KPNA1: variants seen among roughly 807,000 people sequenced by gnomAD.
KPNA1 encodes importin subunit alpha-5.
In KPNA1, 10 loss-of-function variants were observed where a neutral mutation model predicts 70.5. The observed-to-expected ratio is 0.14, with a 90% CI of 0.09 to 0.24. KPNA1 has a LOEUF of 0.24. Ranked by LOEUF, KPNA1 falls within the 10% of genes least tolerant of loss-of-function variation. The pLI is 1.00. For synonymous variants in KPNA1, 192 were observed against 221.9 expected (o/e 0.87, Z 1.20); for missense variants, 397 against 637.9 (o/e 0.62, Z 4.07).
At chr3:122,487,622 GA>G (rs2076644477) in intron 2 of KPNA1, among the ~76,000 whole-genome samples, 1 of 152,164 alleles carries the variant, frequency 6.6e-6, no homozygotes, top group African/African-American at 2.4e-5. Flanking sequence ...GATGAACCTT[GA>G]AGTCATTATG....
intron 1 of KPNA1, among the ~76,000 whole-genome samples, chr3:122,509,486 G>T (rs528373001): frequency 6.6e-6 from 1 of 152,198 alleles, no homozygotes; most frequent in South Asian, 2.1e-4. Context: ...CCTAGGGAAT[G>T]AAAAGTAAAA....
intron 2 of KPNA1, among the ~76,000 whole-genome samples, chr3:122,477,461 AG>A (rs1218201754): frequency 1.3e-5 from 2 of 152,078 alleles, no homozygotes; most frequent in Non-Finnish European, 2.9e-5. Flanking sequence ...GCAATTTGGA[AG>A]GCTGAGGACG....
In KPNA1 at chr3:122,505,749, C is replaced by G. The variant is rs143597009; in HGVS notation, c.-6+9008G>C. Among the ~76,000 whole-genome samples, 1,032 of 152,300 alleles carry G rather than the reference C, an allele frequency of 6.8e-3. 14 individuals are homozygous for G. Among genetic ancestry groups the G allele is most frequent in the Middle Eastern group, 0.045 (13 of 292 alleles). ...ACTTTCTCCTTCATGTCTAGTTACT[C>G]AATTATCAAATTTTGCTTATTCTAT... On this transcript the variant is annotated intron_variant, in intron 1 of 13. Transcript: ENST00000344337.
chr3:122,441,173 G>A (rs1482124091), intron 10 of KPNA1, among the ~76,000 whole-genome samples: 1 of 152,208 alleles, frequency 6.6e-6, no homozygotes, highest in East Asian at 1.9e-4. Context: ...AGGAAAAGGA[G>A]CTTGCTAGGG....
At chr3:122,433,462 C>T (rs974084900) in intron 12 of KPNA1, among the ~76,000 whole-genome samples, 199 bp downstream of exon 12, 3 of 152,158 alleles carry the variant, frequency 2.0e-5, no homozygotes. Context: ...GAATTAAATA[C>T]ACATCTAATT....
chr3:122,456,091 C>T (rs1021564422), intron 5 of KPNA1, among the ~76,000 whole-genome samples: 4 of 152,050 alleles, frequency 2.6e-5, no homozygotes, highest in African/African-American at 7.2e-5. Flanking sequence ...ATAATGCTGA[C>T]CCAGAAATAT....
rs2075800253 is a variant in KPNA1, at chr3:122,424,775, A to T, written c.*2210T>A. ...ACATAATTTAAAACATCCTATAGAAATGACATGTTACTAGTAATTTACAAT... is the reference window on the plus strand; with the variant it reads ...ACATAATTTAAAACATCCTATAGAATTGACATGTTACTAGTAATTTACAAT... On this transcript the variant is annotated 3_prime_UTR_variant, in exon 14 of 14. Coordinates refer to ENST00000344337, the MANE Select transcript of KPNA1 (RefSeq NM_002264.4). 1 of 152,668 alleles carries T rather than the reference A, an allele frequency of 6.6e-6. No individual in the cohort carries two copies. Among genetic ancestry groups the T allele is most frequent in the South Asian group, 2.1e-4 (1 of 4,834 alleles). 9.5% of individuals were successfully genotyped at this position (152,668 alleles called of 1,614,324 possible).
intron 10 of KPNA1, among the ~76,000 whole-genome samples, chr3:122,440,961 T>C (rs1304139408): frequency 1.3e-5 from 2 of 152,228 alleles, no homozygotes; most frequent in Middle Eastern, 3.2e-3. Context: ...AGAGAACAAA[T>C]CTAATCTCCT....
In KPNA1 at chr3:122,507,568, T is replaced by A. The variant is rs992682744; in HGVS notation, c.-6+7189A>T. Among the ~76,000 whole-genome samples the A allele has an allele frequency of 1.8e-4, 27 of 152,042 alleles. No homozygotes were observed. The East Asian group carries it at 5.2e-3, about 29-fold the overall frequency. Reference sequence around the variant, plus strand: ...ATACAAGAAAAAAACTTTCAAAAAGTAGAGCTGAAAGCATATGTTTACTAT... The same window carrying A: ...ATACAAGAAAAAAACTTTCAAAAAGAAGAGCTGAAAGCATATGTTTACTAT... On this transcript the variant is annotated intron_variant, in intron 1 of 13. Coordinates refer to ENST00000344337, the MANE Select transcript of KPNA1 (RefSeq NM_002264.4).
rs925469602 is a variant in KPNA1, at chr3:122,465,614, T to C, written c.238-1573A>G. ...TTTTTAGTTGCACAAAGGAAAGTTG[T>C]AATCTGGCTGGGTGCGGTGGCTCAC... On this transcript the variant is annotated intron_variant, in intron 3 of 13. Transcript: ENST00000344337. Among the ~76,000 whole-genome samples the C allele has an allele frequency of 9.2e-5, 14 of 152,344 alleles. No homozygotes were observed. The East Asian group carries it at 1.9e-3, about 21-fold the overall frequency.
chr3:122,433,326 G>A (rs1443318364), intron 12 of KPNA1: 3 of 201,448 alleles, frequency 1.5e-5, no homozygotes, highest in Non-Finnish European at 3.0e-5. Context: ...TATTACCCAA[G>A]ATATTTCTGA....
At position 122,424,984 on chromosome 3, in the gene KPNA1, CAAGTGCAGTA is replaced by C. The variant is rs1453435763; in HGVS notation, c.*1991_*2000del. 6.6e-6 allele frequency: 1 copy of C among 152,608 alleles called. No individual in the cohort carries two copies. The highest frequency in any genetic ancestry group is 2.4e-5 in the African/African-American group (1 of 41,438). 9.5% of individuals were successfully genotyped at this position (152,608 alleles called of 1,614,324 possible). A position where few individuals can be genotyped will look rare whatever the true frequency, so the allele number is the denominator to read the frequency against. ...TACAAAGAATCAGTCTTTTACAGGT[CAAGTGCAGTA>C]AACTAAAATGTTCTCTCAGCACAAA... On this transcript the variant is annotated 3_prime_UTR_variant, in exon 14 of 14. Transcript: ENST00000344337.
intron 4 of KPNA1, among the ~76,000 whole-genome samples, chr3:122,462,882 G>C (rs963405526): frequency 1.3e-5 from 2 of 152,048 alleles, no homozygotes; most frequent in African/African-American, 2.4e-5. Flanking sequence ...TACTTGCCCA[G>C]GTTGATAACA....
At chr3:122,450,026 A>ACC (rs2076181709) in intron 8 of KPNA1, among the ~76,000 whole-genome samples, 1 of 152,256 alleles carries the variant, frequency 6.6e-6, no homozygotes, top group Non-Finnish European at 1.5e-5. Flanking sequence ...TTTGTGGACT[A>ACC]AACAGGTAAA....
chr3:122,440,514 A>G (rs2076048643), intron 10 of KPNA1, among the ~76,000 whole-genome samples: 1 of 152,208 alleles, frequency 6.6e-6, no homozygotes, highest in Admixed American at 6.5e-5. Flanking sequence ...AGGGACAGAA[A>G]GATACTGATA....
intron 2 of KPNA1, among the ~76,000 whole-genome samples, chr3:122,487,816 G>A (rs1314761596): frequency 6.6e-6 from 1 of 152,132 alleles, no homozygotes; most frequent in African/African-American, 2.4e-5. Context: ...AGATGAAAAA[G>A]TTCTAGATAT....
intron 1 of KPNA1, among the ~76,000 whole-genome samples, chr3:122,513,902 A>G (rs2076984356): frequency 6.6e-6 from 1 of 152,202 alleles, no homozygotes; most frequent in African/African-American, 2.4e-5. Context: ...CCATCTCTTT[A>G]AAATACAAAC....
chr3:122,455,536 T>C (rs2076255150), intron 5 of KPNA1, among the ~76,000 whole-genome samples: 1 of 152,150 alleles, frequency 6.6e-6, no homozygotes, highest in Non-Finnish European at 1.5e-5. Context: ...AACTTGACAT[T>C]TGTACCGTAC....
chr3:122,465,116 ATTG>A lies in KPNA1; in HGVS notation c.238-1078_238-1076del, dbSNP rs559888156. Among the ~76,000 whole-genome samples, 340 of 152,322 alleles carry A rather than the reference ATTG, an allele frequency of 2.2e-3. 1 individual carries two copies. The highest frequency in any genetic ancestry group is 5.5e-3 in the Admixed American group (84 of 15,300). Reference sequence around the variant, plus strand: ...TGACTTTACATTACACTATTTAAGTATTGTTAACTTTACATTATAATATTTAAG... The same window carrying A: ...TGACTTTACATTACACTATTTAAGTATTAACTTTACATTATAATATTTAAG... On this transcript the variant is annotated intron_variant, in intron 3 of 13. Transcript: ENST00000344337.
Sources: allele counts gnomAD v4.1 joint callset (sites outside exome capture counted in the v4.1 genomes callset), GRCh38; gene constraint gnomAD v4.1.1; transcripts MANE v1.5; gene names NCBI Gene and HGNC (gene_info 2026-07-23, HGNC 2026-07-21).